ROBO2: variants seen among roughly 807,000 people sequenced by gnomAD.
ROBO2 encodes roundabout guidance receptor 2, also known as roundabout homolog 2.
Under a neutral mutation model 160.8 loss-of-function variants are expected in ROBO2, and 53 were observed. The observed-to-expected ratio is 0.33, with a 90% CI of 0.26 to 0.41. The LOEUF (loss-of-function observed/expected upper bound fraction) is 0.41. Among genes scored for constraint, ROBO2 ranks in the 10% least tolerant of loss-of-function variants. The pLI, the probability that ROBO2 is intolerant of heterozygous loss-of-function variation, is 1.00. For missense variants in ROBO2, 1,577 were observed against 1,722.4 expected, an observed-to-expected ratio of 0.92 and a Z score of 1.49; for synonymous variants, 664 against 611.7, an observed-to-expected ratio of 1.09 and a Z score of -1.26.
intron 2 of ROBO2, among the ~76,000 whole-genome samples, chr3:76,098,844 A>C (rs2108148406): frequency 6.6e-6 from 1 of 152,268 alleles, no homozygotes; most frequent in Non-Finnish European, 1.5e-5. Context: ...GAAAGCTATT[A>C]CCTTTCAGCT....
chr3:76,558,783 A>C (rs2083974021), intron 2 of ROBO2, among the ~76,000 whole-genome samples: 1 of 152,136 alleles, frequency 6.6e-6, no homozygotes, highest in Non-Finnish European at 1.5e-5. Context: ...TATTACATAG[A>C]TATAGGCATA....
At chr3:76,483,310 A>T (rs375001536) in intron 2 of ROBO2, among the ~76,000 whole-genome samples, 14 of 148,882 alleles carry the variant, frequency 9.4e-5, no homozygotes, top group African/African-American at 3.0e-4. Flanking sequence ...AACTGTCATT[A>T]TTTTTTTTTT....
chr3:77,365,385 T>C (rs551082647), intron 2 of ROBO2, among the ~76,000 whole-genome samples: 1 of 152,244 alleles, frequency 6.6e-6, no homozygotes, highest in Non-Finnish European at 1.5e-5. Context: ...TACTGACAGC[T>C]ATTTTTTTGG....
At chr3:76,603,332 C>CAAAAAAAAAAAAA (rs61547121) in intron 2 of ROBO2, among the ~76,000 whole-genome samples, 1 of 66,516 alleles carries the variant, frequency 1.5e-5, no homozygotes, top group African/African-American at 8.2e-5. Flanking sequence ...ACTCCATCTC[C>CAAAAAAAAAAAAA]AAAAAAAAAA....
intron 2 of ROBO2, among the ~76,000 whole-genome samples, chr3:76,734,634 A>T (rs949655293): frequency 6.6e-6 from 1 of 152,138 alleles, no homozygotes; most frequent in African/African-American, 2.4e-5. Context: ...ACAGTGCCCC[A>T]AACACACCTT....
chr3:76,454,152 T>C (rs1223223897), intron 2 of ROBO2, among the ~76,000 whole-genome samples: 1 of 152,182 alleles, frequency 6.6e-6, no homozygotes, highest in Non-Finnish European at 1.5e-5. Flanking sequence ...TGAGTACTTA[T>C]TGGATCAAAT....
At chr3:77,382,177 A>C (rs532025112) in intron 2 of ROBO2, among the ~76,000 whole-genome samples, 1 of 152,280 alleles carries the variant, frequency 6.6e-6, no homozygotes, top group East Asian at 1.9e-4. Context: ...CCATTGAGTA[A>C]AATGTTCTGC....
At chr3:77,445,355 C>T (rs2080363190) in intron 2 of ROBO2, among the ~76,000 whole-genome samples, 1 of 152,050 alleles carries the variant, frequency 6.6e-6, no homozygotes, top group African/African-American at 2.4e-5. Context: ...ACCTCAAAAT[C>T]AATAGGATAT....
intron 2 of ROBO2, among the ~76,000 whole-genome samples, chr3:76,594,615 A>AT (rs1435413617): frequency 1.3e-5 from 2 of 151,712 alleles, no homozygotes; most frequent in Non-Finnish European, 2.9e-5. Flanking sequence ...TATTTGGGTG[A>AT]TTTTTTTCTA....
chr3:77,330,131 T>G (rs1325311731), intron 2 of ROBO2, among the ~76,000 whole-genome samples: 2 of 152,204 alleles, frequency 1.3e-5, no homozygotes, highest in Non-Finnish European at 2.9e-5. Flanking sequence ...TTGTCCTGAT[T>G]TGGTGTCCAT....
chr3:76,844,322 C>T (rs193059902), intron 2 of ROBO2, among the ~76,000 whole-genome samples: 2 of 152,018 alleles, frequency 1.3e-5, no homozygotes, highest in East Asian at 3.9e-4. Context: ...AACATAAATT[C>T]TCCTGGATCA....
intron 2 of ROBO2, among the ~76,000 whole-genome samples, chr3:76,330,408 T>G (rs1034215628): frequency 3.9e-5 from 6 of 152,220 alleles, no homozygotes; most frequent in African/African-American, 1.2e-4. Flanking sequence ...TGCATGAGTA[T>G]TAGAGCTTTC....
intron 2 of ROBO2, among the ~76,000 whole-genome samples, chr3:77,125,452 T>C (rs2075227698): frequency 6.6e-6 from 1 of 152,220 alleles, no homozygotes; most frequent in South Asian, 2.1e-4. Flanking sequence ...TTTAGTATTC[T>C]AAGATTAACT....
intron 2 of ROBO2, among the ~76,000 whole-genome samples, chr3:76,876,602 G>C (rs2072749495): frequency 6.6e-6 from 1 of 151,968 alleles, no homozygotes; most frequent in Non-Finnish European, 1.5e-5. Context: ...TTGAACCTGA[G>C]AGGCAGAGTC....
intron 1 of ROBO2, among the ~76,000 whole-genome samples, chr3:77,041,534 C>T (rs1200736067): frequency 6.6e-6 from 1 of 152,162 alleles, no homozygotes; most frequent in Non-Finnish European, 1.5e-5. Flanking sequence ...TTGAGTCAGT[C>T]TGTCAAGCCC....
chr3:76,930,055 G>T (rs1286632132), intron 2 of ROBO2, among the ~76,000 whole-genome samples: 4 of 151,742 alleles, frequency 2.6e-5, no homozygotes, highest in African/African-American at 7.3e-5. Flanking sequence ...ACAGATTCTT[G>T]CTCTGTCACC....
At chr3:77,617,428 T>C in intron 21 of ROBO2, 85 bp from the exon 23 acceptor site, 1 of 1,462,604 alleles carries the variant, frequency 6.8e-7, no homozygotes, top group Non-Finnish European at 9.5e-7. Flanking sequence ...TACCATGTGG[T>C]TGCTACTTAT....
chr3:77,206,232 C>CTCTAGCAGTGA (rs1473682225), intron 2 of ROBO2, among the ~76,000 whole-genome samples: 1 of 151,984 alleles, frequency 6.6e-6, no homozygotes, highest in Non-Finnish European at 1.5e-5. Context: ...TGCAATGGCG[C>CTCTAGCAGTGA]GATCTCAGCT....
At chr3:77,048,002 G>A (rs944549880) in intron 1 of ROBO2, among the ~76,000 whole-genome samples, 15 of 151,954 alleles carry the variant, frequency 9.9e-5, no homozygotes, top group African/African-American at 1.7e-4. Context: ...AGCCGAGATC[G>A]CGCCACTGCA....
Sources: allele counts gnomAD v4.1 joint callset (sites outside exome capture counted in the v4.1 genomes callset), GRCh38; gene constraint gnomAD v4.1.1; transcripts MANE v1.5; gene names NCBI Gene and HGNC (gene_info 2026-07-23, HGNC 2026-07-21).